PMEPA1: variants seen among roughly 807,000 people sequenced by gnomAD.
The protein encoded by PMEPA1 is protein TMEPAI.
Under a neutral mutation model 23.0 loss-of-function variants are expected in PMEPA1, and 11 were observed. The observed-to-expected ratio is 0.48, with a 90% CI of 0.30 to 0.79. PMEPA1 has a LOEUF of 0.79. Among genes scored for constraint, PMEPA1 ranks in the 30% least tolerant of loss-of-function variants. The pLI, the probability that PMEPA1 is intolerant of heterozygous loss-of-function variation, is 0.06. For synonymous variants in PMEPA1, 204 were observed against 166.4 expected, an observed-to-expected ratio of 1.23 and a Z score of -1.74; for missense variants, 377 against 390.9, an observed-to-expected ratio of 0.96 and a Z score of 0.30.
At chr20:57,675,834 TG>T (rs1226357915) in intron 1 of PMEPA1, among the ~76,000 whole-genome samples, 1 of 152,230 alleles carries the variant, frequency 6.6e-6, no homozygotes, top group African/African-American at 2.4e-5. Context: ...TGTGACTGTC[TG>T]GGGTCTAAAT....
Position 57,709,839 on chromosome 20 carries a change from G to T in PMEPA1, c.-257C>A. On this transcript the variant is annotated 5_prime_UTR_variant, in exon 1 of 4. Transcript: ENST00000341744. The stretch of plus-strand genomic sequence containing the variant: ...TCGGCAGTGCCCGCGGGTGGCGTCC[G>T]GAAAATGGGCTGGCAGCGGGGCGCG... 1 of 986,196 alleles carries T rather than the reference G, an allele frequency of 1.0e-6. No individual in the cohort carries two copies. The highest frequency in any genetic ancestry group is 4.5e-5 in the South Asian group (1 of 22,142). The allele number at this position is 986,196 out of a possible 1,614,324, so 61.1% of individuals were successfully genotyped here. A position where few individuals can be genotyped will look rare whatever the true frequency, so the allele number is the denominator to read the frequency against.
chr20:57,687,032 T>A (rs2071810204), intron 1 of PMEPA1, among the ~76,000 whole-genome samples: 1 of 152,240 alleles, frequency 6.6e-6, no homozygotes, highest in Non-Finnish European at 1.5e-5. Flanking sequence ...TCATTTTTAA[T>A]AATTGCTTTT....
intron 1 of PMEPA1, among the ~76,000 whole-genome samples, chr20:57,702,785 A>G (rs1368690013): frequency 1.3e-5 from 2 of 152,246 alleles, no homozygotes; most frequent in African/African-American, 2.4e-5. Context: ...TGTTTTGAAC[A>G]CTGAGAAAAA....
At chr20:57,653,005 T>C in intron 3 of PMEPA1, 28 bp downstream of exon 3, 4 of 1,579,056 alleles carry the variant, frequency 2.5e-6, no homozygotes, top group Non-Finnish European at 3.4e-6. Flanking sequence ...GATGGGGGTG[T>C]TGGAGGGGAG....
At chr20:57,701,449 C>A (rs1425792122) in intron 1 of PMEPA1, among the ~76,000 whole-genome samples, 3 of 152,136 alleles carry the variant, frequency 2.0e-5, no homozygotes, top group African/African-American at 7.2e-5. Context: ...CATTTGATGG[C>A]CTTTGGAGGA....
rs116417008 is a variant in PMEPA1, at chr20:57,672,247, G to A, written c.110-12550C>T. Among the ~76,000 whole-genome samples, 904 of 152,372 alleles carry A rather than the reference G, an allele frequency of 5.9e-3. 14 individuals are homozygous for A. Among genetic ancestry groups the A allele is most frequent in the African/African-American group, 0.02 (826 of 41,586 alleles). On this transcript the variant is annotated intron_variant, in intron 1 of 3. Coordinates refer to ENST00000341744, the MANE Select transcript of PMEPA1 (RefSeq NM_020182.5). ...CTCACATGTGTGTTTCCAACCGGCC[G>A]ACAGTGACGCACGTATGCCCTCGCC...
At chr20:57,685,818 A>C (rs149186561) in intron 1 of PMEPA1, among the ~76,000 whole-genome samples, 147 of 152,306 alleles carry the variant, frequency 9.7e-4, no homozygotes, top group African/African-American at 3.3e-3. Flanking sequence ...TGGCAAAAAA[A>C]GGTTACATGA....
chr20:57,694,297 T>C (rs531926177), intron 1 of PMEPA1, among the ~76,000 whole-genome samples: 10 of 152,198 alleles, frequency 6.6e-5, no homozygotes, highest in Non-Finnish European at 1.0e-4. Context: ...AAGTACCCCA[T>C]TAAAGGCATT....
At chr20:57,694,741 G>C (rs1208771669) in intron 1 of PMEPA1, among the ~76,000 whole-genome samples, 1 of 152,254 alleles carries the variant, frequency 6.6e-6, no homozygotes, top group African/African-American at 2.4e-5. Flanking sequence ...TTGCAGGGCT[G>C]CATGTGGTGC....
intron 2 of PMEPA1, among the ~76,000 whole-genome samples, chr20:57,654,799 G>C (rs774000578): frequency 6.6e-6 from 1 of 152,140 alleles, no homozygotes; most frequent in African/African-American, 2.4e-5. Context: ...GAGGGCTGGC[G>C]AGCCTGCGTG....
chr20:57,663,303 G>A (rs1393023331), intron 1 of PMEPA1, among the ~76,000 whole-genome samples: 3 of 152,192 alleles, frequency 2.0e-5, no homozygotes, highest in Admixed American at 6.5e-5. Flanking sequence ...GGAGCACCCT[G>A]GAGAGGAGCA....
intron 1 of PMEPA1, chr20:57,690,652 C>T (rs1212038010): frequency 1.9e-6 from 2 of 1,037,576 alleles, no homozygotes; most frequent in Non-Finnish European, 2.5e-6. Context: ...CTGCGCTTCT[C>T]CTGCTTGGGC....
chr20:57,679,547 A>T (rs752586306), intron 1 of PMEPA1, among the ~76,000 whole-genome samples: 3 of 152,242 alleles, frequency 2.0e-5, no homozygotes, highest in Non-Finnish European at 4.4e-5. Context: ...GACATCGTTC[A>T]GTGGCGGGTT....
intron 1 of PMEPA1, chr20:57,700,239 C>T: frequency 6.8e-6 from 3 of 443,736 alleles, no homozygotes; most frequent in Non-Finnish European, 1.4e-5. Context: ...CCTCCACAGG[C>T]CCATGCTTTA....
rs1433620200 is a variant in PMEPA1 at position 57,649,875 on chromosome 20, C to T, written c.*2178G>A. 6.6e-6 allele frequency: 1 copy of T among 152,642 alleles called. No homozygotes were observed. The highest frequency in any genetic ancestry group is 1.5e-5 in the Non-Finnish European group (1 of 68,046). 9.5% of individuals were successfully genotyped at this position (152,642 alleles called of 1,614,324 possible). On this transcript the variant is annotated 3_prime_UTR_variant, in exon 4 of 4. Coordinates refer to ENST00000341744, the MANE Select transcript of PMEPA1 (RefSeq NM_020182.5). ...TCCTCACCGAGCGACGGGAGTGTCACTGCTTCTTCAGTAAGGCACTAGAGA... is the reference window on the plus strand; with the variant it reads ...TCCTCACCGAGCGACGGGAGTGTCATTGCTTCTTCAGTAAGGCACTAGAGA...
chr20:57,676,742 C>T (rs2071642432), intron 1 of PMEPA1, among the ~76,000 whole-genome samples: 1 of 152,154 alleles, frequency 6.6e-6, no homozygotes, highest in Non-Finnish European at 1.5e-5. Flanking sequence ...CGAGAGGCCT[C>T]CTTGCACTGC....
chr20:57,688,356 G>GGAGTGGGGTA (rs1471467483), intron 1 of PMEPA1, among the ~76,000 whole-genome samples: 1 of 151,418 alleles, frequency 6.6e-6, no homozygotes, highest in Non-Finnish European at 1.5e-5. Context: ...TTTGTGGGGT[G>GGAGTGGGGTA]GGCTGTTCTG....
chr20:57,710,023 C>G (rs1240505001), upstream of PMEPA1: 1 of 996,232 alleles, frequency 1.0e-6, no homozygotes, highest in Non-Finnish European at 1.2e-6. Flanking sequence ...GACGTCAGCG[C>G]TAGACGGGGC....
At chr20:57,708,780 T>A (rs2072122174) in intron 1 of PMEPA1, among the ~76,000 whole-genome samples, 1 of 151,672 alleles carries the variant, frequency 6.6e-6, no homozygotes, top group African/African-American at 2.4e-5. Flanking sequence ...GGTCCCCAGA[T>A]CCGGCCCAAC....
Sources: gnomAD v4.1 joint callset for allele counts (sites outside exome capture counted in the v4.1 genomes callset) on GRCh38, gnomAD v4.1.1 for gene constraint, MANE v1.5 for transcripts, NCBI Gene and HGNC (gene_info 2026-07-23, HGNC 2026-07-21) for gene names.